The following GRIK2 variants were observed in gnomAD, a reference collection of about 807,000 sequenced individuals.
GRIK2 encodes glutamate receptor ionotropic, kainate 2.
Under a neutral mutation model 100.3 loss-of-function variants are expected in GRIK2, and 32 were observed. The ratio of observed to expected loss-of-function variants is 0.32; its 90% CI spans 0.24 to 0.43. The LOEUF is 0.43. Ranked by LOEUF, GRIK2 falls within the 20% of genes least tolerant of loss-of-function variation. The pLI is 1.00. For missense variants in GRIK2, 843 were observed against 1,114.9 expected (o/e 0.76, Z 3.47); for synonymous variants, 417 against 389.4 (o/e 1.07, Z -0.83).
At chr6:101,990,347 T>C (rs772373716) in intron 14 of GRIK2, among the ~76,000 whole-genome samples, 1 of 151,662 alleles carries the variant, frequency 6.6e-6, no homozygotes, top group African/African-American at 2.4e-5. Flanking sequence ...CCCAAAGTCA[T>C]ACAGATTTAA....
chr6:101,707,590 G>GTATATATATATATA (rs1449124596), intron 7 of GRIK2, among the ~76,000 whole-genome samples: 5 of 129,478 alleles, frequency 3.9e-5, no homozygotes, highest in East Asian at 2.5e-4. Context: ...GTGTGTGTGT[G>GTATATATATATATA]TGTGTATATA....
At chr6:102,027,231 C>T (rs921682051) in intron 14 of GRIK2, among the ~76,000 whole-genome samples, 2 of 151,012 alleles carry the variant, frequency 1.3e-5, no homozygotes, top group African/African-American at 4.8e-5. Context: ...GAGTTAGTAC[C>T]AAATACCACA....
chr6:101,951,854 C>G (rs1791623208), intron 14 of GRIK2, among the ~76,000 whole-genome samples: 2 of 152,194 alleles, frequency 1.3e-5, no homozygotes, highest in South Asian at 4.1e-4. Flanking sequence ...CATTAAACCT[C>G]TTTTTCTTTA....
Position 101,399,125 on chromosome 6 carries a change from G to T in GRIK2, c.-153G>T. The T allele has an allele frequency of 1.7e-6, 1 of 580,488 alleles. No homozygotes were observed. Among genetic ancestry groups the T allele is most frequent in the Non-Finnish European group, 3.1e-6 (1 of 322,442 alleles). The allele number at this position is 580,488 out of a possible 1,614,324, so 36.0% of individuals were successfully genotyped here. On this transcript the variant is annotated 5_prime_UTR_variant, in exon 2 of 17. It removes an upstream start codon present in the reference 5' UTR. Coordinates refer to ENST00000369134, the MANE Select transcript of GRIK2 (RefSeq NM_021956.5). Reference sequence around the variant, plus strand: ...TGAAGAACATGCAGCGATTGCTAATGGGTTTGGGAAGCGGAGACTCCTTCC... The same window carrying T: ...TGAAGAACATGCAGCGATTGCTAATTGGTTTGGGAAGCGGAGACTCCTTCC...
rs1328669083 is a variant in GRIK2, at chr6:101,940,208, T to C, written c.2085+11576T>C. Among the ~76,000 whole-genome samples the C allele has an allele frequency of 1.3e-5, 2 of 152,156 alleles. 1 individual carries two copies. The highest frequency in any genetic ancestry group is 2.9e-5 in the Non-Finnish European group (2 of 68,032). On this transcript the variant is annotated intron_variant, in intron 14 of 16. Transcript: ENST00000369134. ...GAAGCTGGCTGAGAACTAATTTTTG[T>C]GCAGGCAGGATTCTTGAGATCACTG...
chr6:101,559,762 G>T (rs1292796468), intron 2 of GRIK2, among the ~76,000 whole-genome samples: 1 of 151,914 alleles, frequency 6.6e-6, no homozygotes, highest in East Asian at 1.9e-4. Context: ...TAATCAATCT[G>T]ATTTAGCTGT....
chr6:101,731,593 G>A (rs1237060740), intron 7 of GRIK2, among the ~76,000 whole-genome samples: 1 of 151,676 alleles, frequency 6.6e-6, no homozygotes, highest in Admixed American at 6.6e-5. Flanking sequence ...TAAATAAAAA[G>A]CTATAAATTG....
chr6:101,913,110 C>A (rs996786707), intron 12 of GRIK2, among the ~76,000 whole-genome samples: 5 of 151,546 alleles, frequency 3.3e-5, no homozygotes, highest in African/African-American at 9.7e-5. Flanking sequence ...GACAGGTAGA[C>A]TGGGTAAACA....
chr6:101,978,534 G>A (rs1476762144), intron 14 of GRIK2, among the ~76,000 whole-genome samples: 1 of 151,786 alleles, frequency 6.6e-6, no homozygotes, highest in East Asian at 1.9e-4. Context: ...TACTCACTTT[G>A]TAATCATTGT....
intron 10 of GRIK2, among the ~76,000 whole-genome samples, chr6:101,822,861 G>A (rs922573802): frequency 6.6e-6 from 1 of 151,984 alleles, no homozygotes; most frequent in Admixed American, 6.6e-5. Context: ...TATCCAACCT[G>A]AGCAGCTGAT....
intron 10 of GRIK2, among the ~76,000 whole-genome samples, chr6:101,839,258 C>G (rs1783350481): frequency 6.6e-6 from 1 of 152,178 alleles, no homozygotes; most frequent in Non-Finnish European, 1.5e-5. Flanking sequence ...CCAGTGCTTA[C>G]TTTTCACCAA....
At chr6:101,499,056 GA>G (rs1288356508) in intron 2 of GRIK2, among the ~76,000 whole-genome samples, 3 of 152,058 alleles carry the variant, frequency 2.0e-5, no homozygotes, top group African/African-American at 7.2e-5. Context: ...ATGGTGCTGG[GA>G]AAACTGGCTA....
In GRIK2 at chr6:101,676,600, T is replaced by G. The variant is rs114149718; in HGVS notation, c.542-23T>G. 2.1e-3 allele frequency: 2,983 copies of G among 1,422,530 alleles called. 68 individuals are homozygous for G. In the African/African-American group the frequency reaches 0.04, roughly 19 times the overall value. The allele number at this position is 1,422,530 out of a possible 1,614,324, so 88.1% of individuals were successfully genotyped here. A position where few individuals can be genotyped will look rare whatever the true frequency, so the allele number is the denominator to read the frequency against. Reference sequence around the variant, plus strand: ...TATTTTTTATCTCTAATATTCTTTTTTTTTTTTCCATTTTAATTAAAGGTC... The same window carrying G: ...TATTTTTTATCTCTAATATTCTTTTGTTTTTTTCCATTTTAATTAAAGGTC... On this transcript the variant is annotated intron_variant, in intron 4 of 16. Transcript: ENST00000369134.
intron 7 of GRIK2, among the ~76,000 whole-genome samples, chr6:101,692,595 T>C (rs1772187845): frequency 6.6e-6 from 1 of 152,124 alleles, no homozygotes; most frequent in Admixed American, 6.6e-5. Context: ...AATTTTGTAT[T>C]TTTGGATCTT....
intron 4 of GRIK2, among the ~76,000 whole-genome samples, chr6:101,641,315 ACT>A (rs1781269381): frequency 1.3e-5 from 2 of 152,094 alleles, no homozygotes; most frequent in African/African-American, 4.8e-5. Flanking sequence ...TCCCCATTCC[ACT>A]CTCACAATGA....
chr6:101,698,209 TAGAA>T (rs1772638894), intron 7 of GRIK2, among the ~76,000 whole-genome samples: 1 of 152,080 alleles, frequency 6.6e-6, no homozygotes, highest in African/African-American at 2.4e-5. Flanking sequence ...ATATTTACAT[TAGAA>T]AGGCAAATTT....
intron 2 of GRIK2, among the ~76,000 whole-genome samples, chr6:101,600,585 G>A (rs1445603997): frequency 6.6e-6 from 1 of 151,854 alleles, no homozygotes; most frequent in Non-Finnish European, 1.5e-5. Context: ...TTTACACAGT[G>A]TTTTGTAGTT....
Position 101,676,535 on chromosome 6 carries a change from A to G in GRIK2, c.542-88A>G, listed in dbSNP as rs56655044. On this transcript the variant is annotated intron_variant, in intron 4 of 16. Coordinates refer to ENST00000369134, the MANE Select transcript of GRIK2 (RefSeq NM_021956.5). ...ATTAAAATGAAATAAGAAGAAAATT[A>G]TACATTCTAATGAGTGTTTTCTGAT... is the stretch of plus-strand genomic sequence containing the variant. 24,678 of 729,918 alleles carry G rather than the reference A, an allele frequency of 0.034. 3,715 individuals are homozygous for G. In the African/African-American group the frequency reaches 0.36, roughly 11 times the overall value. The allele number at this position is 729,918 out of a possible 1,614,324, so 45.2% of individuals were successfully genotyped here. A position where few individuals can be genotyped will look rare whatever the true frequency, so the allele number is the denominator to read the frequency against.
At chr6:101,417,298 G>T (rs563711793) in intron 2 of GRIK2, among the ~76,000 whole-genome samples, 1 of 152,170 alleles carries the variant, frequency 6.6e-6, no homozygotes, top group African/African-American at 2.4e-5. Context: ...TTCAAGATGA[G>T]ATTTGGTTGG....
Sources: gnomAD v4.1 joint callset for allele counts (sites outside exome capture counted in the v4.1 genomes callset) on GRCh38, gnomAD v4.1.1 for gene constraint, MANE v1.5 for transcripts, NCBI Gene and HGNC (gene_info 2026-07-23, HGNC 2026-07-21) for gene names.